Variants in PRKAR1A observed in about 807,000 individuals in gnomAD.
PRKAR1A encodes protein kinase cAMP-dependent type I regulatory subunit alpha.
In PRKAR1A, 3 loss-of-function variants were observed where a neutral mutation model predicts 52.0. The observed-to-expected ratio is 0.06, with a 90% CI of 0.03 to 0.15. PRKAR1A has a LOEUF of 0.15. Among genes scored for constraint, PRKAR1A ranks in the 10% least tolerant of loss-of-function variants. The pLI, the probability that PRKAR1A is intolerant of heterozygous loss-of-function variation, is 1.00. For missense variants in PRKAR1A, 240 were observed against 477.4 expected (o/e 0.50, Z 4.63); for synonymous variants, 188 against 168.4 (o/e 1.12, Z -0.90).
the PRKAR1A span, among the ~76,000 whole-genome samples, chr17:68,464,702 A>AAC: frequency 1.1e-4 from 6 of 54,982 alleles, no homozygotes; most frequent in African/African-American, 5.0e-4. Flanking sequence ...AAAAAAACAA[A>AAC]AAAAACAAAA....
At chr17:68,491,626 C>G in the PRKAR1A span, among the ~76,000 whole-genome samples, 1 of 152,050 alleles carries the variant, frequency 6.6e-6, no homozygotes, top group African/African-American at 2.4e-5. Context: ...TTGTGGAAAG[C>G]CTTCATATGC....
At chr17:68,486,313 C>A in the PRKAR1A span, among the ~76,000 whole-genome samples, 2 of 152,084 alleles carry the variant, frequency 1.3e-5, no homozygotes, top group Admixed American at 1.3e-4. Context: ...TCAGGAGGCA[C>A]AAGCTCCTTA....
chr17:68,539,852 A>G, intron 11 of PRKAR1A: 1 of 1,602,624 alleles, frequency 6.2e-7, no homozygotes, highest in Non-Finnish European at 8.5e-7. Flanking sequence ...CATCTGGGAG[A>G]GGGGATTGTT....
the PRKAR1A span, among the ~76,000 whole-genome samples, chr17:68,469,363 C>G: frequency 6.6e-6 from 1 of 152,036 alleles, no homozygotes; most frequent in South Asian, 2.1e-4. Flanking sequence ...TCACATTAGC[C>G]TGTGTATTTC....
exon 12 of PRKAR1A, chr17:68,551,157 C>T: frequency 8.1e-7 from 1 of 1,228,816 alleles, no homozygotes; most frequent in Non-Finnish European, 1.0e-6. Flanking sequence ...AGACCCTAAC[C>T]TGTGGGCTGC....
At chr17:68,540,908 T>C (rs2086258315) in intron 11 of PRKAR1A, 2 of 1,604,520 alleles carry the variant, frequency 1.2e-6, no homozygotes, top group East Asian at 4.5e-5. Flanking sequence ...GCTGTTGTTG[T>C]ACGGGTAGAT....
At chr17:68,455,757 A>C in the PRKAR1A span, among the ~76,000 whole-genome samples, 1 of 152,226 alleles carries the variant, frequency 6.6e-6, no homozygotes, top group African/African-American at 2.4e-5. Context: ...GAAAGCTGGG[A>C]CTTTGCGTTA....
At chr17:68,446,016 G>A in the PRKAR1A span, among the ~76,000 whole-genome samples, 12 of 152,264 alleles carry the variant, frequency 7.9e-5, no homozygotes, top group South Asian at 6.2e-4. Flanking sequence ...TTATTCCAGG[G>A]AACATCAGCT....
In PRKAR1A at chr17:68,522,799, G is replaced by A. The variant is rs200069356; in HGVS notation, c.221G>A (p.Arg74His). 2.9e-4 allele frequency: 475 copies of A among 1,614,122 alleles called. 1 individual carries two copies. Among genetic ancestry groups the A allele is most frequent in the Middle Eastern group, 1.2e-3 (7 of 6,062 alleles). The change falls in exon 3 of 11, where the codon CGT (arginine) becomes CAT (histidine). Residue 74 changes from arginine to histidine, a missense_variant. By Grantham distance (29) the Arg-to-His change is conservative. Coordinates refer to ENST00000589228, the MANE Select transcript of PRKAR1A (RefSeq NM_002734.5). ...QIQNLQKAGTRTDSREDEISP... is the reference protein window; with the variant it reads ...QIQNLQKAGTHTDSREDEISP... ...CAGAATCTGCAGAAAGCAGGCACTC[G>A]TACAGACTCAAGGGAGGATGAGATT...
At chr17:68,494,188 G>A in the PRKAR1A span, among the ~76,000 whole-genome samples, 1 of 152,146 alleles carries the variant, frequency 6.6e-6, no homozygotes, top group Non-Finnish European at 1.5e-5. Flanking sequence ...TTCCGTTGAC[G>A]GACTGGGTTT....
intron 8 of PRKAR1A, among the ~76,000 whole-genome samples, chr17:68,528,426 G>T (rs1180355492): frequency 6.6e-6 from 1 of 151,954 alleles, no homozygotes; most frequent in African/African-American, 2.4e-5. Flanking sequence ...TTGGCCTTTG[G>T]GAATAAAAGT....
the PRKAR1A span, among the ~76,000 whole-genome samples, chr17:68,486,475 T>C: frequency 2.4e-5 from 2 of 83,034 alleles, no homozygotes; most frequent in Non-Finnish European, 4.7e-5. Flanking sequence ...CTTTCTCTCC[T>C]TCCTTCCTTC....
At chr17:68,452,849 A>C in the PRKAR1A span, 1 of 1,498,890 alleles carries the variant, frequency 6.7e-7, no homozygotes, top group Non-Finnish European at 9.2e-7. Context: ...CGCAGATTAA[A>C]GCCTAGAAGG....
the PRKAR1A span, among the ~76,000 whole-genome samples, chr17:68,444,103 G>A: frequency 6.6e-6 from 1 of 152,112 alleles, no homozygotes; most frequent in African/African-American, 2.4e-5. Flanking sequence ...ATGCAGACAC[G>A]CCAAGTTGAA....
chr17:68,415,902 G>A, the PRKAR1A span, among the ~76,000 whole-genome samples: 2 of 152,148 alleles, frequency 1.3e-5, no homozygotes, highest in Middle Eastern at 3.4e-3. Flanking sequence ...AAATGTATGC[G>A]AGTCCTTATA....
upstream of PRKAR1A, among the ~76,000 whole-genome samples, chr17:68,510,873 A>G (rs1306527251): frequency 6.6e-6 from 1 of 152,110 alleles, no homozygotes. Context: ...GATGGACAGT[A>G]CCCTTAGAGC....
chr17:68,485,902 C>A, the PRKAR1A span, among the ~76,000 whole-genome samples: 1 of 152,024 alleles, frequency 6.6e-6, no homozygotes, highest in Non-Finnish European at 1.5e-5. Context: ...CCATGCCTGG[C>A]TAATTTTTGT....
chr17:68,470,228 C>T, the PRKAR1A span, among the ~76,000 whole-genome samples: 5 of 152,124 alleles, frequency 3.3e-5, no homozygotes, highest in South Asian at 2.1e-4. Context: ...ATTACAGGAG[C>T]GTGCCACCGC....
intron 6 of PRKAR1A, among the ~76,000 whole-genome samples, chr17:68,525,470 G>T (rs1189979783): frequency 1.3e-5 from 2 of 152,190 alleles, no homozygotes; most frequent in Non-Finnish European, 2.9e-5. Flanking sequence ...GGTTCTCTAA[G>T]TATCTGTGAC....
Sources: allele counts gnomAD v4.1 joint callset (sites outside exome capture counted in the v4.1 genomes callset), GRCh38; gene constraint gnomAD v4.1.1; transcripts MANE v1.5; gene names NCBI Gene and HGNC (gene_info 2026-07-23, HGNC 2026-07-21).